Variants in GNA14 observed in about 807,000 individuals in gnomAD.
The protein encoded by GNA14 is G protein subunit alpha 14.
In GNA14, 50 loss-of-function variants were observed where a neutral mutation model predicts 42.0. The observed-to-expected ratio is 1.19, with a 90% CI of 0.95 to 1.51. The LOEUF (loss-of-function observed/expected upper bound fraction) is 1.51, where lower values mean the gene tolerates loss of function less well. Ranked by LOEUF, GNA14 falls within the 40% of genes most tolerant of loss-of-function variation. The pLI is 0.00. For missense variants in GNA14, 473 were observed against 446.2 expected, an observed-to-expected ratio of 1.06 and a Z score of -0.54; for synonymous variants, 173 against 163.1, an observed-to-expected ratio of 1.06 and a Z score of -0.46.
At chr9:77,637,710 G>A (rs1564072598) in intron 1 of GNA14, among the ~76,000 whole-genome samples, 1 of 152,060 alleles carries the variant, frequency 6.6e-6, no homozygotes, top group Non-Finnish European at 1.5e-5. Flanking sequence ...TTAAAACCTA[G>A]CCGGGTGTGG....
intron 1 of GNA14, among the ~76,000 whole-genome samples, chr9:77,606,879 G>C (rs771538601): frequency 6.6e-6 from 1 of 152,152 alleles, no homozygotes; most frequent in Non-Finnish European, 1.5e-5. Flanking sequence ...TGAGGATGCA[G>C]ACGCCAGGTT....
chr9:77,556,220 G>A (rs545227165), intron 1 of GNA14, among the ~76,000 whole-genome samples: 1 of 152,168 alleles, frequency 6.6e-6, no homozygotes, highest in African/African-American at 2.4e-5. Flanking sequence ...CTACAGTCTG[G>A]GCGACAATGT....
intron 2 of GNA14, among the ~76,000 whole-genome samples, chr9:77,494,336 T>C (rs1836835221): frequency 6.6e-6 from 1 of 152,372 alleles, no homozygotes; most frequent in Non-Finnish European, 1.5e-5. Context: ...TCATTATTAA[T>C]CTTCAATAAA....
chr9:77,515,052 G>C (rs1306044821), intron 2 of GNA14, among the ~76,000 whole-genome samples: 4 of 152,280 alleles, frequency 2.6e-5, no homozygotes, highest in African/African-American at 7.2e-5. Context: ...ATCCAATAGG[G>C]AGAGGAAATG....
chr9:77,438,531 G>A (rs1457324347), intron 2 of GNA14, among the ~76,000 whole-genome samples: 1 of 151,664 alleles, frequency 6.6e-6, no homozygotes, highest in Non-Finnish European at 1.5e-5. Flanking sequence ...GCCTCCCAAA[G>A]TGCTGGGATT....
intron 1 of GNA14, among the ~76,000 whole-genome samples, chr9:77,529,789 G>C (rs913225052): frequency 6.6e-6 from 1 of 152,106 alleles, no homozygotes; most frequent in African/African-American, 2.4e-5. Flanking sequence ...CACAACACTT[G>C]CACATGGCGG....
intron 2 of GNA14, among the ~76,000 whole-genome samples, chr9:77,452,592 G>GTA (rs1835925972): frequency 8.8e-6 from 1 of 113,536 alleles, no homozygotes; most frequent in Non-Finnish European, 1.7e-5. Context: ...GTATGTGTGT[G>GTA]TGTGGTGTGT....
At chr9:77,597,899 A>T (rs1414824812) in intron 1 of GNA14, among the ~76,000 whole-genome samples, 1 of 151,602 alleles carries the variant, frequency 6.6e-6, no homozygotes, top group Non-Finnish European at 1.5e-5. Context: ...CCATCTCCAT[A>T]AAAAAAATAC....
chr9:77,637,849 G>A (rs1259277992), intron 1 of GNA14, among the ~76,000 whole-genome samples: 2 of 152,204 alleles, frequency 1.3e-5, no homozygotes, highest in Non-Finnish European at 2.9e-5. Flanking sequence ...AGTACCAGGA[G>A]CAGGCATATC....
chr9:77,533,739 C>A (rs111274820), intron 1 of GNA14, among the ~76,000 whole-genome samples: 11,842 of 152,242 alleles, frequency 0.078, 537 homozygotes, highest in Middle Eastern at 0.15. Context: ...CCCTCTCCCC[C>A]TAAACTTGAG....
intron 2 of GNA14, among the ~76,000 whole-genome samples, chr9:77,452,549 A>AGTGT (rs200313599): frequency 0.098 from 5,377 of 55,142 alleles, 259 homozygotes; most frequent in Non-Finnish European, 0.13. Flanking sequence ...ACTGCACACA[A>AGTGT]GTGTGTGTGT....
At chr9:77,579,883 A>T (rs1823189592) in intron 1 of GNA14, among the ~76,000 whole-genome samples, 1 of 152,146 alleles carries the variant, frequency 6.6e-6, no homozygotes. Flanking sequence ...ATTCATTTCT[A>T]TCCTTCTCCA....
At chr9:77,582,728 T>C (rs1289435042) in intron 1 of GNA14, among the ~76,000 whole-genome samples, 1 of 152,232 alleles carries the variant, frequency 6.6e-6, no homozygotes, top group Non-Finnish European at 1.5e-5. Flanking sequence ...TACAGACTGA[T>C]AGCAGGCAAT....
intron 2 of GNA14, among the ~76,000 whole-genome samples, chr9:77,439,586 A>G (rs2131696084): frequency 6.6e-6 from 1 of 152,362 alleles, no homozygotes; most frequent in South Asian, 2.1e-4. Context: ...GCAGCGAGCC[A>G]AGATCGTGCC....
intron 1 of GNA14, among the ~76,000 whole-genome samples, chr9:77,569,569 G>A (rs377186271): frequency 5.3e-5 from 8 of 152,176 alleles, no homozygotes; most frequent in African/African-American, 1.9e-4. Context: ...GAGACCACTC[G>A]GTATAGTGAG....
intron 1 of GNA14, among the ~76,000 whole-genome samples, chr9:77,575,042 T>A (rs1019725911): frequency 1.3e-5 from 2 of 152,182 alleles, no homozygotes; most frequent in South Asian, 4.1e-4. Context: ...AGAGGATAGT[T>A]TGAAATTGCT....
chr9:77,503,625 C>G (rs1837009268), intron 2 of GNA14, among the ~76,000 whole-genome samples: 1 of 151,472 alleles, frequency 6.6e-6, no homozygotes, highest in African/African-American at 2.4e-5. Flanking sequence ...TACCTAAGTA[C>G]ACAAAGAAAT....
intron 1 of GNA14, among the ~76,000 whole-genome samples, chr9:77,638,234 G>A (rs1383183656): frequency 6.6e-6 from 1 of 152,184 alleles, no homozygotes; most frequent in Non-Finnish European, 1.5e-5. Flanking sequence ...CCAGGATACA[G>A]GAACAAGATA....
chr9:77,534,427 C>G (rs571437876), intron 1 of GNA14, among the ~76,000 whole-genome samples: 1 of 152,264 alleles, frequency 6.6e-6, no homozygotes, highest in East Asian at 1.9e-4. Context: ...AGTGATAGTC[C>G]AAGGACATCA....
Sources: allele counts gnomAD v4.1 joint callset (sites outside exome capture counted in the v4.1 genomes callset), GRCh38; gene constraint gnomAD v4.1.1; transcripts MANE v1.5; gene names NCBI Gene and HGNC (gene_info 2026-07-23, HGNC 2026-07-21).